The following NECTIN2 variants were observed in gnomAD, a reference collection of about 807,000 sequenced individuals.
NECTIN2 encodes the protein nectin-2.
In NECTIN2, 23 loss-of-function variants were observed where a neutral mutation model predicts 56.9. That is an observed-to-expected ratio of 0.40 (90% CI 0.29 to 0.57). The LOEUF (loss-of-function observed/expected upper bound fraction) is 0.57, where lower values mean the gene tolerates loss of function less well. Among genes scored for constraint, NECTIN2 ranks in the 20% least tolerant of loss-of-function variants. NECTIN2 has a pLI of 0.38. For synonymous variants in NECTIN2, 302 were observed against 313.8 expected (o/e 0.96, Z 0.40); for missense variants, 587 against 718.3 (o/e 0.82, Z 2.09).
intron 8 of NECTIN2, 97 bp from the exon 9 acceptor site, chr19:44,888,013 G>A: frequency 7.5e-7 from 1 of 1,333,632 alleles, no homozygotes. Flanking sequence ...GTTGGCATGG[G>A]GAGAGAGCGG....
chr19:44,874,580 C>A lies in NECTIN2; in HGVS notation c.1042+102C>A. On this transcript the variant is annotated intron_variant, in intron 5 of 8. Transcript: ENST00000252483. The surrounding 1 kb of genome is among the most constrained non-coding windows in gnomAD (Gnocchi z 6.3). ...GCACTGGGGGAGGCTGCGCCGCCGA[C>A]CTGGGAGGGATGCAGACCTGCCTGG... The A allele has an allele frequency of 2.8e-6, 4 of 1,451,420 alleles. No individual in the cohort carries two copies. The highest frequency in any genetic ancestry group is 3.8e-6 in the Non-Finnish European group (4 of 1,062,778). 89.9% of individuals were successfully genotyped at this position (1,451,420 alleles called of 1,614,324 possible). A position where few individuals can be genotyped will look rare whatever the true frequency, so the allele number is the denominator to read the frequency against.
intron 1 of NECTIN2, among the ~76,000 whole-genome samples, chr19:44,857,527 T>C (rs1599910625): frequency 9.7e-6 from 1 of 103,474 alleles, no homozygotes; most frequent in South Asian, 4.3e-4. Context: ...TCAGCCCCCC[T>C]AGCAGCTAGG....
intron 1 of NECTIN2, among the ~76,000 whole-genome samples, chr19:44,858,498 T>C (rs1968995685): frequency 6.6e-6 from 1 of 152,024 alleles, no homozygotes; most frequent in African/African-American, 2.4e-5. Context: ...AATTTTTGTA[T>C]TTTTGGTAGA....
In NECTIN2 at chr19:44,888,326, T is replaced by C; in HGVS notation, c.1564T>C (p.Ser522Pro). 1 of 1,613,878 alleles carries C rather than the reference T, an allele frequency of 6.2e-7. No individual in the cohort carries two copies. Among genetic ancestry groups the C allele is most frequent in the Non-Finnish European group, 8.5e-7 (1 of 1,179,848 alleles). Reference sequence around the variant, plus strand: ...TGATGCTCTGTCCTATAGCAGCCCCTCTGATTCCTACCAGGGCAAAGGCTT... The same window carrying C: ...TGATGCTCTGTCCTATAGCAGCCCCCCTGATTCCTACCAGGGCAAAGGCTT... ...IYDALSYSSP[S>P]DSYQGKGFVM... is the part of the protein sequence containing the mutation. Residue 522 changes from serine to proline, a missense_variant, in exon 9 of 9, where the codon TCT (serine) becomes CCT (proline). By Grantham distance (74) the Ser-to-Pro change is moderately conservative. Transcript: ENST00000252483.
intron 1 of NECTIN2, among the ~76,000 whole-genome samples, chr19:44,851,241 A>G (rs1568586075): frequency 7.4e-6 from 1 of 134,622 alleles, no homozygotes; most frequent in Non-Finnish European, 1.6e-5. Flanking sequence ...CCAGGCCCCC[A>G]TCCTTCCCCT....
At chr19:44,868,685 G>T (rs143047776) in intron 2 of NECTIN2, among the ~76,000 whole-genome samples, 26 of 151,200 alleles carry the variant, frequency 1.7e-4, no homozygotes, top group African/African-American at 5.6e-4. Flanking sequence ...AGGCCGAGGC[G>T]GGCGGATCAC....
At position 44,862,992 on chromosome 19, in the gene NECTIN2, C is replaced by CAA. The variant is rs57740346; in HGVS notation, c.89-2260_89-2259dup. 3.5e-3 allele frequency among the ~76,000 whole-genome samples: 435 copies of CAA among 123,096 alleles called. 1 individual carries two copies. Among genetic ancestry groups the CAA allele is most frequent in the East Asian group, 0.016 (63 of 3,974 alleles). 80.8% of individuals were successfully genotyped at this position (123,096 alleles called of 152,430 possible). On this transcript the variant is annotated intron_variant, in intron 1 of 8. Coordinates refer to ENST00000252483, the MANE Select transcript of NECTIN2 (RefSeq NM_001042724.2). The stretch of plus-strand genomic sequence containing the variant: ...TGAAACCCCGTCTCTACTAAAAATA[C>CAA]AAAAAAAAAAAAAAAAAAAATTAGC...
At chr19:44,876,691 CA>C (rs1969242287) in intron 5 of NECTIN2, among the ~76,000 whole-genome samples, 1 of 152,178 alleles carries the variant, frequency 6.6e-6, no homozygotes, top group South Asian at 2.1e-4. Context: ...GCAGCACGAA[CA>C]TAGGATACGA....
rs368329644 is a variant in NECTIN2, at chr19:44,874,051, A to G, written c.893+18A>G. ...TGGAGCACGTGAGTCACGTGGTCTCAGAACCCTGGGTCTGAGGGAGGCGGG... is the reference window on the plus strand; with the variant it reads ...TGGAGCACGTGAGTCACGTGGTCTCGGAACCCTGGGTCTGAGGGAGGCGGG... On this transcript the variant is annotated intron_variant, in intron 4 of 8. Transcript: ENST00000252483. This position sits in a 1 kb window ranked among gnomAD's most constrained non-coding sequence, Gnocchi z 6.3. The G allele has an allele frequency of 1.9e-6, 3 of 1,592,638 alleles. No homozygotes were observed. In the African/African-American group the frequency reaches 4.0e-5, roughly 21 times the overall value.
At position 44,846,323 on chromosome 19, in the gene NECTIN2, G is replaced by A. The variant is rs1182577362; in HGVS notation, c.-203G>A. ...TGACGTCAGCGGGTTCGAACCGCCGGAGCTGAGCGAGAGGCCGGGGGTGCC... is the reference window on the plus strand; with the variant it reads ...TGACGTCAGCGGGTTCGAACCGCCGAAGCTGAGCGAGAGGCCGGGGGTGCC... On this transcript the variant is annotated 5_prime_UTR_variant, in exon 1 of 9. Coordinates refer to ENST00000252483, the MANE Select transcript of NECTIN2 (RefSeq NM_001042724.2). The A allele has an allele frequency of 7.3e-6, 4 of 547,260 alleles. No homozygotes were observed. Among genetic ancestry groups the A allele is most frequent in the East Asian group, 7.2e-5 (2 of 27,608 alleles). 33.9% of individuals were successfully genotyped at this position (547,260 alleles called of 1,614,324 possible).
chr19:44,859,655 C>T (rs1028500316), intron 1 of NECTIN2, among the ~76,000 whole-genome samples: 1 of 152,118 alleles, frequency 6.6e-6, no homozygotes, highest in South Asian at 2.1e-4. Flanking sequence ...GAACTCTGGT[C>T]TCTACTAAAA....
At position 44,865,648 on chromosome 19, in the gene NECTIN2, C is replaced by A; in HGVS notation, c.466C>A (p.Leu156Ile). The A allele has an allele frequency of 6.5e-7, 1 of 1,529,516 alleles. No individual in the cohort carries two copies. The highest frequency in any genetic ancestry group is 8.8e-7 in the Non-Finnish European group (1 of 1,141,824). 94.7% of individuals were successfully genotyped at this position (1,529,516 alleles called of 1,614,324 possible). ...PKGSVRGMTW[L>I]RVIAKPKNQA... ...GGGGTCCGTCCGAGGGATGACCTGG[C>A]TCAGAGTCATAGGTGAGCAGGGTAA... Residue 156 changes from leucine (L) to isoleucine (I), a missense_variant, in exon 2 of 9, where the codon CTC (leucine) becomes ATC (isoleucine). Coordinates refer to ENST00000252483, the MANE Select transcript of NECTIN2 (RefSeq NM_001042724.2). The surrounding 1 kb of genome is among the most constrained non-coding windows in gnomAD (Gnocchi z 5.2).
At chr19:44,872,263 T>C (rs1969184319) in intron 3 of NECTIN2, 114 bp downstream of exon 3, 1 of 1,099,946 alleles carries the variant, frequency 9.1e-7, no homozygotes, top group African/African-American at 1.6e-5. Context: ...GAAGCCAAAT[T>C]CTGCACTACC....
chr19:44,885,307 CTTTTTTTTTT>C (rs34485333), intron 6 of NECTIN2, among the ~76,000 whole-genome samples: 1 of 112,902 alleles, frequency 8.9e-6, no homozygotes, highest in African/African-American at 3.1e-5. Flanking sequence ...ATCTTTCTTT[CTTTTTTTTTT>C]TTTTTTTTTT....
intron 3 of NECTIN2, among the ~76,000 whole-genome samples, chr19:44,872,741 C>T (rs901382464): frequency 1.1e-4 from 16 of 151,172 alleles, no homozygotes; most frequent in East Asian, 7.7e-4. Flanking sequence ...TACTGAGTCT[C>T]CCAGAGTCTC....
At chr19:44,880,348 G>C (rs1258680489) in intron 5 of NECTIN2, among the ~76,000 whole-genome samples, 1 of 152,060 alleles carries the variant, frequency 6.6e-6, no homozygotes, top group Non-Finnish European at 1.5e-5. Flanking sequence ...GCAAGTAAAC[G>C]GGTAACCACT....
chr19:44,872,282 AT>A (rs1299236521), intron 3 of NECTIN2, 133 bp downstream of exon 3: 3 of 924,284 alleles, frequency 3.2e-6, no homozygotes, highest in Non-Finnish European at 4.9e-6. Context: ...CCTTCCTGCC[AT>A]TGTCTACACT....
chr19:44,879,526 C>T (rs1969284891), intron 5 of NECTIN2, among the ~76,000 whole-genome samples: 1 of 152,036 alleles, frequency 6.6e-6, no homozygotes, highest in African/African-American at 2.4e-5. Context: ...TGTGGCTCCC[C>T]TCCTTCTCCA....
In NECTIN2 at chr19:44,846,587, T is replaced by C. The variant is rs1355347393; in HGVS notation, c.62T>C (p.Leu21Pro). The C allele has an allele frequency of 8.7e-6, 13 of 1,496,498 alleles. No individual in the cohort carries two copies. In the Admixed American group the frequency reaches 1.2e-4, roughly 14 times the overall value. The allele number at this position is 1,496,498 out of a possible 1,614,324, so 92.7% of individuals were successfully genotyped here. A position where few individuals can be genotyped will look rare whatever the true frequency, so the allele number is the denominator to read the frequency against. ...RSPPTPLLWPLLLLLLLETGA... is the reference protein window; with the variant it reads ...RSPPTPLLWPPLLLLLLETGA... ...CCGCCGACGCCGCTGCTGTGGCCGC[T>C]GCTGCTGCTGCTGCTCCTGGAAACC... Residue 21 changes from leucine (L) to proline (P), a missense_variant, in exon 1 of 9, where the codon CTG becomes CCG. Physicochemically the swap from Leu to Pro is moderately conservative, Grantham distance 98. Coordinates refer to ENST00000252483, the MANE Select transcript of NECTIN2 (RefSeq NM_001042724.2).
Sources: allele counts gnomAD v4.1 joint callset (sites outside exome capture counted in the v4.1 genomes callset), GRCh38; gene constraint gnomAD v4.1.1; non-coding constraint Gnocchi (gnomAD v3.1); transcripts MANE v1.5; gene names NCBI Gene and HGNC (gene_info 2026-07-23, HGNC 2026-07-21).